Variants in USP25 observed in about 807,000 individuals in gnomAD.
The protein encoded by USP25 is ubiquitin specific peptidase 25, also known as ubiquitin carboxyl-terminal hydrolase 25.
A neutral mutation model predicts 158.5 loss-of-function variants in USP25; 85 were observed. The observed-to-expected ratio is 0.54, with a 90% CI of 0.45 to 0.64. The LOEUF is 0.64. Ranked by LOEUF, USP25 falls within the 30% of genes least tolerant of loss-of-function variation. The pLI is 0.00. For missense variants in USP25, 1,242 were observed against 1,327.3 expected (o/e 0.94, Z 1.00); for synonymous variants, 464 against 460.4 (o/e 1.01, Z -0.10).
At chr21:15,829,733 C>T (rs536926297) in intron 14 of USP25, among the ~76,000 whole-genome samples, 5 of 152,020 alleles carry the variant, frequency 3.3e-5, no homozygotes, top group Admixed American at 1.3e-4. Flanking sequence ...ATATTATTTT[C>T]CCAGTTTTTC....
At position 15,808,893 on chromosome 21, in the gene USP25, A is replaced by T. The variant is rs1006443161; in HGVS notation, c.857+8A>T. ...GAAAGCTGAAGAGGAGACGTAAGTT[A>T]CCGTGAAGTTTAGCAATGGGGTTTT... is the stretch of plus-strand genomic sequence containing the variant. On this transcript the variant is annotated splice_region_variant and intron_variant, in intron 8 of 25. Transcript: ENST00000400183. 1.2e-6 allele frequency: 2 copies of T among 1,602,482 alleles called. No homozygotes were observed. Among genetic ancestry groups the T allele is most frequent in the African/African-American group, 2.7e-5 (2 of 74,378 alleles).
At chr21:15,786,037 T>C (rs1323376319) in intron 4 of USP25, among the ~76,000 whole-genome samples, 1 of 152,076 alleles carries the variant, frequency 6.6e-6, no homozygotes, top group Non-Finnish European at 1.5e-5. Flanking sequence ...CAACAAATTC[T>C]AGAATATAGG....
rs555799243 is a variant in USP25 at position 15,789,247 on chromosome 21, C to T, written c.393-2255C>T. On this transcript the variant is annotated intron_variant, in intron 4 of 25. Coordinates refer to ENST00000400183, the MANE Select transcript of USP25 (RefSeq NM_001283041.3). ...ATTTTTTGGTAGAGCAGAAGACGGG[C>T]GTAAAGGAATTGACTATACTTAAAA... 6.6e-5 allele frequency among the ~76,000 whole-genome samples: 10 copies of T among 152,066 alleles called. No individual in the cohort carries two copies. In the South Asian group the frequency reaches 1.2e-3, roughly 19 times the overall value.
At chr21:15,819,197 A>G (rs1044521261) in intron 10 of USP25, among the ~76,000 whole-genome samples, 14 of 152,234 alleles carry the variant, frequency 9.2e-5, no homozygotes, top group African/African-American at 3.1e-4. Context: ...AAACAGATAT[A>G]TGCTACTTAT....
At chr21:15,864,055 A>G (rs996741833) in intron 20 of USP25, among the ~76,000 whole-genome samples, 1 of 146,736 alleles carries the variant, frequency 6.8e-6, no homozygotes, top group Non-Finnish European at 1.5e-5. Flanking sequence ...TTTTTTTTTA[A>G]AAGAAGGGCC....
chr21:15,792,926 T>G (rs2123625874), intron 5 of USP25, among the ~76,000 whole-genome samples: 1 of 151,814 alleles, frequency 6.6e-6, no homozygotes, highest in South Asian at 2.1e-4. Flanking sequence ...GCCTTGATTA[T>G]ACGTTGTTTA....
chr21:15,750,909 C>T (rs1014317226), intron 1 of USP25, among the ~76,000 whole-genome samples: 1 of 152,144 alleles, frequency 6.6e-6, no homozygotes, highest in Non-Finnish European at 1.5e-5. Context: ...TGAGCCACCG[C>T]GCCTGGCCCT....
chr21:15,762,754 T>A, intron 1 of USP25, 137 bp from the exon 2 acceptor site: 1 of 682,738 alleles, frequency 1.5e-6, no homozygotes, highest in Non-Finnish European at 2.4e-6. Flanking sequence ...CTTTCTCAAG[T>A]TCTTTTTCCT....
intron 3 of USP25, among the ~76,000 whole-genome samples, chr21:15,775,207 CA>C (rs566310485): frequency 1.3e-5 from 2 of 152,160 alleles, no homozygotes; most frequent in Admixed American, 6.5e-5. Flanking sequence ...GCTTGAATTA[CA>C]ATTGATGAAT....
At chr21:15,736,723 A>G (rs2031556741) in intron 1 of USP25, among the ~76,000 whole-genome samples, 1 of 152,040 alleles carries the variant, frequency 6.6e-6, no homozygotes. Context: ...TAGGTAAGAC[A>G]TTTTAGCATG....
At chr21:15,872,539 C>T (rs1017800837) in intron 23 of USP25, among the ~76,000 whole-genome samples, 1 of 152,168 alleles carries the variant, frequency 6.6e-6, no homozygotes, top group Non-Finnish European at 1.5e-5. Context: ...CGAACTACTA[C>T]AACTTAATGT....
At chr21:15,848,860 G>A (rs1364132651) in intron 19 of USP25, among the ~76,000 whole-genome samples, 1 of 152,120 alleles carries the variant, frequency 6.6e-6, no homozygotes, top group Non-Finnish European at 1.5e-5. Flanking sequence ...ATGAGTAATA[G>A]GTTCAGTGAA....
rs1157410348 is a variant in USP25 at position 15,818,281 on chromosome 21, A to G, written c.932-417A>G. ...ACTTTCTTTTTATAACAATTGTAATATAATTATTTGTAATTATTTGTTTAT... is the reference window on the plus strand; with the variant it reads ...ACTTTCTTTTTATAACAATTGTAATGTAATTATTTGTAATTATTTGTTTAT... On this transcript the variant is annotated intron_variant, in intron 9 of 25. Transcript: ENST00000400183. Among the ~76,000 whole-genome samples, 3 of 152,300 alleles carry G rather than the reference A, an allele frequency of 2.0e-5. 1 individual carries two copies. Among genetic ancestry groups the G allele is most frequent in the Admixed American group, 6.5e-5 (1 of 15,292 alleles).
chr21:15,842,680 G>GCAGA, intron 18 of USP25, 140 bp downstream of exon 18: 1 of 1,011,788 alleles, frequency 9.9e-7, no homozygotes, highest in Non-Finnish European at 1.4e-6. Flanking sequence ...AGTGACCATG[G>GCAGA]GCAAGTCATC....
At chr21:15,809,002 G>A in intron 8 of USP25, 117 bp downstream of exon 8, 2 of 706,018 alleles carry the variant, frequency 2.8e-6, no homozygotes, top group South Asian at 6.3e-5. Flanking sequence ...AGTATTTTCT[G>A]TATTATTGAC....
intron 20 of USP25, among the ~76,000 whole-genome samples, chr21:15,856,934 C>G (rs1282518466): frequency 6.6e-6 from 1 of 152,096 alleles, no homozygotes; most frequent in Non-Finnish European, 1.5e-5. Flanking sequence ...CATGTTACAA[C>G]AAATTTGAAG....
At chr21:15,823,803 G>A (rs1423996335) in intron 10 of USP25, among the ~76,000 whole-genome samples, 1 of 152,134 alleles carries the variant, frequency 6.6e-6, no homozygotes. Flanking sequence ...AAGGATAGTT[G>A]TGAGATTTCT....
At chr21:15,782,617 G>C (rs1364934272) in intron 4 of USP25, among the ~76,000 whole-genome samples, 1 of 152,166 alleles carries the variant, frequency 6.6e-6, no homozygotes. Flanking sequence ...CTAAGTCACT[G>C]AGATAATCAC....
intron 15 of USP25, among the ~76,000 whole-genome samples, chr21:15,831,020 A>G (rs2037773125): frequency 6.6e-6 from 1 of 152,204 alleles, no homozygotes; most frequent in Non-Finnish European, 1.5e-5. Context: ...TGTATATCAT[A>G]TAATCTATTT....
Sources: allele counts gnomAD v4.1 joint callset (sites outside exome capture counted in the v4.1 genomes callset), GRCh38; gene constraint gnomAD v4.1.1; transcripts MANE v1.5; gene names NCBI Gene and HGNC (gene_info 2026-07-23, HGNC 2026-07-21).